CPA6: variants seen among roughly 807,000 people sequenced by gnomAD.
CPA6 encodes carboxypeptidase A6.
CPA6 carries 58 observed loss-of-function variants against 63.3 expected under a neutral mutation model. The observed-to-expected ratio is 0.92, with a 90% CI of 0.74 to 1.14. The LOEUF (loss-of-function observed/expected upper bound fraction) is 1.14. CPA6 is among the 50% of genes most tolerant of loss of function. The pLI, the probability that CPA6 is intolerant of heterozygous loss-of-function variation, is 0.00. For synonymous variants in CPA6, 185 were observed against 179.0 expected, an observed-to-expected ratio of 1.03 and a Z score of -0.27; for missense variants, 565 against 526.6, an observed-to-expected ratio of 1.07 and a Z score of -0.71.
intron 2 of CPA6, among the ~76,000 whole-genome samples, chr8:67,561,290 C>T (rs1042027961): frequency 1.3e-5 from 2 of 152,078 alleles, no homozygotes; most frequent in Admixed American, 6.6e-5. Context: ...CAAAGTACCT[C>T]CCTATAAAGC....
chr8:67,712,705 G>T (rs1000786051), intron 1 of CPA6, among the ~76,000 whole-genome samples: 2 of 152,162 alleles, frequency 1.3e-5, no homozygotes, highest in East Asian at 3.9e-4. Context: ...TGGGAACACC[G>T]AATTTTTCAA....
rs1811391783 is a variant in CPA6, at chr8:67,483,032, A to T, written c.838+736T>A. 3.9e-5 allele frequency among the ~76,000 whole-genome samples: 6 copies of T among 152,194 alleles called. No individual in the cohort carries two copies. In the South Asian group the frequency reaches 1.2e-3, roughly 31 times the overall value. The stretch of plus-strand genomic sequence containing the variant: ...GACTAGGCCTCATTTCTAAGGGACT[A>T]AAGGAAGGATTTCCATTACACAAGG... On this transcript the variant is annotated intron_variant, in intron 8 of 10. Transcript: ENST00000297770.
intron 2 of CPA6, among the ~76,000 whole-genome samples, chr8:67,601,258 A>G (rs1043813610): frequency 2.0e-5 from 3 of 152,194 alleles, no homozygotes; most frequent in African/African-American, 7.2e-5. Flanking sequence ...GTAATATCAC[A>G]AACAGCAACC....
chr8:67,653,099 T>C (rs1398894991), intron 1 of CPA6, among the ~76,000 whole-genome samples: 1 of 152,158 alleles, frequency 6.6e-6, no homozygotes, highest in African/African-American at 2.4e-5. Flanking sequence ...CATTGATCTA[T>C]ATCTCTGTTT....
At chr8:67,459,178 A>G (rs1403037876) in intron 8 of CPA6, among the ~76,000 whole-genome samples, 1 of 152,158 alleles carries the variant, frequency 6.6e-6, no homozygotes, top group South Asian at 2.1e-4. Context: ...AGACCCAGTT[A>G]TAAGACTGGG....
chr8:67,465,546 G>A (rs1810906287), intron 8 of CPA6, among the ~76,000 whole-genome samples: 1 of 152,130 alleles, frequency 6.6e-6, no homozygotes, highest in Non-Finnish European at 1.5e-5. Flanking sequence ...AATAGGAGTG[G>A]TGAGATGGGC....
intron 1 of CPA6, among the ~76,000 whole-genome samples, chr8:67,678,931 C>T (rs2128995583): frequency 6.6e-6 from 1 of 152,280 alleles, no homozygotes; most frequent in Non-Finnish European, 1.5e-5. Flanking sequence ...GACACATCTC[C>T]TGAATATAAT....
intron 2 of CPA6, among the ~76,000 whole-genome samples, chr8:67,530,792 C>A (rs1055255966): frequency 6.6e-6 from 1 of 152,084 alleles, no homozygotes; most frequent in African/African-American, 2.4e-5. Context: ...ATAGCCTCAG[C>A]TAAAGAGTGG....
intron 6 of CPA6, among the ~76,000 whole-genome samples, chr8:67,497,480 A>T (rs1811744470): frequency 6.6e-6 from 1 of 152,148 alleles, no homozygotes; most frequent in Admixed American, 6.6e-5. Context: ...TTATACCAAT[A>T]AAAAAACTAT....
intron 1 of CPA6, among the ~76,000 whole-genome samples, chr8:67,633,573 C>A (rs1046241909): frequency 9.3e-5 from 14 of 150,014 alleles, no homozygotes; most frequent in Admixed American, 6.7e-4. Flanking sequence ...CCCAGCTACT[C>A]GGGAGGCTGA....
At chr8:67,430,241 G>A (rs1359660510) in intron 9 of CPA6, among the ~76,000 whole-genome samples, 4 of 149,156 alleles carry the variant, frequency 2.7e-5, no homozygotes, top group Middle Eastern at 6.8e-3. Flanking sequence ...GTGCAATGGC[G>A]TGATCTCGGC....
At chr8:67,446,288 T>C (rs1164590017) in intron 8 of CPA6, among the ~76,000 whole-genome samples, 3 of 151,882 alleles carry the variant, frequency 2.0e-5, no homozygotes, top group Non-Finnish European at 2.9e-5. Flanking sequence ...AAGTAGTCAT[T>C]TGCTAGGCTG....
intron 9 of CPA6, among the ~76,000 whole-genome samples, chr8:67,432,706 C>T (rs1327770487): frequency 6.6e-6 from 1 of 152,164 alleles, no homozygotes; most frequent in East Asian, 1.9e-4. Flanking sequence ...TCAAATGATC[C>T]ACCTGTCTGG....
At chr8:67,430,309 A>G (rs1053916737) in intron 9 of CPA6, among the ~76,000 whole-genome samples, 3 of 151,346 alleles carry the variant, frequency 2.0e-5, no homozygotes, top group African/African-American at 7.3e-5. Context: ...CCTCCCAAGT[A>G]GCTGGGATTA....
intron 2 of CPA6, chr8:67,570,180 T>C (rs549141925): frequency 1.3e-5 from 2 of 152,328 alleles, no homozygotes; most frequent in Admixed American, 6.5e-5. Context: ...AAAGTTATGG[T>C]TTCCTGTTAG....
intron 2 of CPA6, among the ~76,000 whole-genome samples, chr8:67,598,572 A>G (rs1587617702): frequency 6.6e-6 from 1 of 152,198 alleles, no homozygotes; most frequent in East Asian, 1.9e-4. Context: ...GCTGACATAT[A>G]TTTTAAAATA....
At chr8:67,471,157 CA>C (rs1811048466) in intron 8 of CPA6, among the ~76,000 whole-genome samples, 2 of 152,278 alleles carry the variant, frequency 1.3e-5, no homozygotes, top group Admixed American at 1.3e-4. Context: ...TGAAACCCAC[CA>C]AAGATTCTCC....
At chr8:67,694,732 G>A (rs1039869748) in intron 1 of CPA6, among the ~76,000 whole-genome samples, 17 of 152,164 alleles carry the variant, frequency 1.1e-4, no homozygotes, top group African/African-American at 3.9e-4. Context: ...ACAATACGCA[G>A]GCACTATCTG....
intron 10 of CPA6, among the ~76,000 whole-genome samples, chr8:67,423,295 C>T (rs781498530): frequency 1.2e-4 from 18 of 152,158 alleles, no homozygotes; most frequent in Non-Finnish European, 2.2e-4. Context: ...ATGTTGACCA[C>T]GTTGGCCTTG....
Sources: allele counts gnomAD v4.1 joint callset (sites outside exome capture counted in the v4.1 genomes callset), GRCh38; gene constraint gnomAD v4.1.1; transcripts MANE v1.5; gene names NCBI Gene and HGNC (gene_info 2026-07-23, HGNC 2026-07-21).